Variants in EPHA6 observed in about 807,000 individuals in gnomAD.
EPHA6 encodes the protein EPH receptor A6.
In EPHA6, 50 loss-of-function variants were observed where a neutral mutation model predicts 112.0. The ratio of observed to expected loss-of-function variants is 0.45; its 90% CI spans 0.36 to 0.56. The LOEUF is 0.56. Ranked by LOEUF, EPHA6 falls within the 20% of genes least tolerant of loss-of-function variation. EPHA6 has a pLI of 0.00. For synonymous variants in EPHA6, 529 were observed against 490.7 expected, an observed-to-expected ratio of 1.08 and a Z score of -1.03; for missense variants, 1,280 against 1,417.4, an observed-to-expected ratio of 0.90 and a Z score of 1.56.
chr3:97,045,016 TTGAA>T (rs1470792349), intron 3 of EPHA6, among the ~76,000 whole-genome samples: 4 of 152,110 alleles, frequency 2.6e-5, no homozygotes, highest in African/African-American at 4.8e-5. Flanking sequence ...TTATATCAAT[TTGAA>T]TGTTTAAATT....
At chr3:97,083,917 T>C (rs1304441913) in intron 3 of EPHA6, among the ~76,000 whole-genome samples, 2 of 151,184 alleles carry the variant, frequency 1.3e-5, no homozygotes, top group Non-Finnish European at 3.0e-5. Context: ...AATGACAAGG[T>C]AAATTTGAGC....
chr3:97,569,979 C>G (rs911602284), intron 11 of EPHA6: 7 of 152,108 alleles, frequency 4.6e-5, no homozygotes, highest in Non-Finnish European at 1.0e-4. Flanking sequence ...TGATTCAAAC[C>G]TTGTTGAATT....
intron 10 of EPHA6, among the ~76,000 whole-genome samples, chr3:97,507,247 T>C (rs2092271791): frequency 1.3e-5 from 2 of 152,246 alleles, no homozygotes; most frequent in African/African-American, 2.4e-5. Context: ...GTACCAATTA[T>C]CAATGGGAGT....
Position 97,338,409 on chromosome 3 carries a change from A to C in EPHA6, c.1607-66741A>C, listed in dbSNP as rs376818989. ...TAACCCTAACTCTCTGTGAGCATCT[A>C]CCCAGATCACCAGATCATATGGCTA... On this transcript the variant is annotated intron_variant, in intron 5 of 17. Transcript: ENST00000389672. Among the ~76,000 whole-genome samples the C allele has an allele frequency of 2.9e-3, 444 of 152,116 alleles. 2 individuals carry two copies. The highest frequency in any genetic ancestry group is 1.0e-2 in the African/African-American group (413 of 41,502).
In EPHA6 at chr3:97,736,109, A is replaced by G; in HGVS notation, c.3119A>G (p.Asp1040Gly). Reference sequence around the variant, plus strand: ...AGTGCCCTTCACACCCTGGTGGAGGACATCCTTGTGTAAGAGGCATAATGT... The same window carrying G: ...AGTGCCCTTCACACCCTGGTGGAGGGCATCCTTGTGTAAGAGGCATAATGT... ...NPSALHTLVEDILVMPESPGE... is the reference protein window; with the variant it reads ...NPSALHTLVEGILVMPESPGE... The change falls in exon 16 of 18, where the codon GAC becomes GGC. Residue 1040 changes from aspartate to glycine, a missense_variant. Physicochemically the swap from Asp to Gly is moderately conservative, Grantham distance 94. Around this residue, in one of 4 missense-constraint regions of EPHA6, gnomAD observed 145 missense variants for 153.3 expected, o/e 0.95. Transcript: ENST00000389672. 6.2e-7 allele frequency: 1 copy of G among 1,611,012 alleles called. No individual in the cohort carries two copies. The highest frequency in any genetic ancestry group is 8.5e-7 in the Non-Finnish European group (1 of 1,178,076).
intron 5 of EPHA6, among the ~76,000 whole-genome samples, chr3:97,300,500 C>T (rs747339153): frequency 2.6e-5 from 4 of 152,124 alleles, no homozygotes; most frequent in Non-Finnish European, 4.4e-5. Context: ...AAGCATGACA[C>T]ATTTTCACAC....
At chr3:97,612,849 T>C (rs2093731892) in intron 13 of EPHA6, among the ~76,000 whole-genome samples, 1 of 152,070 alleles carries the variant, frequency 6.6e-6, no homozygotes, top group Non-Finnish European at 1.5e-5. Flanking sequence ...TAAAGATTGA[T>C]TGTTGTAAAG....
At chr3:96,819,139 AT>A (rs1382304314) in intron 1 of EPHA6, among the ~76,000 whole-genome samples, 4 of 152,046 alleles carry the variant, frequency 2.6e-5, no homozygotes, top group African/African-American at 9.7e-5. Flanking sequence ...CAAACAAAAA[AT>A]AACTTAAATG....
At chr3:96,842,849 A>C (rs919567460) in intron 1 of EPHA6, among the ~76,000 whole-genome samples, 1 of 152,044 alleles carries the variant, frequency 6.6e-6, no homozygotes, top group African/African-American at 2.4e-5. Context: ...CACCTTGGAT[A>C]GAAGGTATTT....
chr3:97,589,597 T>G (rs1387598328), intron 11 of EPHA6, among the ~76,000 whole-genome samples: 1 of 152,234 alleles, frequency 6.6e-6, no homozygotes, highest in African/African-American at 2.4e-5. Context: ...ATACTAGGAA[T>G]GCCTTTCCTC....
chr3:97,710,653 C>T (rs2033916973), intron 14 of EPHA6, among the ~76,000 whole-genome samples: 4 of 152,134 alleles, frequency 2.6e-5, no homozygotes, highest in African/African-American at 9.7e-5. Context: ...AAGTCCAGTT[C>T]CCTCTATTTA....
chr3:97,489,740 A>G (rs2091791591), intron 10 of EPHA6, among the ~76,000 whole-genome samples: 1 of 151,878 alleles, frequency 6.6e-6, no homozygotes, highest in Non-Finnish European at 1.5e-5. Flanking sequence ...AGGAGGTTAT[A>G]TTTGTCAGGG....
chr3:97,304,520 C>T (rs538732046), intron 5 of EPHA6, among the ~76,000 whole-genome samples: 10 of 152,120 alleles, frequency 6.6e-5, no homozygotes, highest in African/African-American at 2.2e-4. Context: ...GTAACCAGAA[C>T]AGCATGGTAC....
chr3:97,048,800 C>T (rs894720254), intron 3 of EPHA6, among the ~76,000 whole-genome samples: 6 of 151,996 alleles, frequency 3.9e-5, no homozygotes. Flanking sequence ...AGATAATTAA[C>T]AAAACCCACA....
At chr3:97,182,382 T>C (rs1324430214) in intron 3 of EPHA6, among the ~76,000 whole-genome samples, 1 of 150,332 alleles carries the variant, frequency 6.7e-6, no homozygotes, top group East Asian at 1.9e-4. Flanking sequence ...TAATATATTA[T>C]TATACTAATA....
intron 16 of EPHA6, among the ~76,000 whole-genome samples, chr3:97,740,257 A>T (rs950771704): frequency 1.1e-4 from 16 of 152,060 alleles, no homozygotes; most frequent in African/African-American, 3.4e-4. Flanking sequence ...GGCTGTAGTC[A>T]GCTGGTCAGT....
chr3:97,588,817 T>C (rs1381976210), intron 11 of EPHA6, among the ~76,000 whole-genome samples: 5 of 152,172 alleles, frequency 3.3e-5, no homozygotes, highest in Non-Finnish European at 7.4e-5. Context: ...TACACAAATG[T>C]TTTTTGACAA....
At chr3:97,075,160 T>C (rs1016165380) in intron 3 of EPHA6, among the ~76,000 whole-genome samples, 1 of 151,996 alleles carries the variant, frequency 6.6e-6, no homozygotes, top group African/African-American at 2.4e-5. Flanking sequence ...AGGCTTAGGT[T>C]ATACAGAGTA....
intron 14 of EPHA6, among the ~76,000 whole-genome samples, chr3:97,641,138 A>T (rs1445954066): frequency 6.6e-6 from 1 of 152,210 alleles, no homozygotes; most frequent in East Asian, 1.9e-4. Flanking sequence ...ATGGTATTAG[A>T]TTACAAAGCA....
Sources: gnomAD v4.1 joint callset for allele counts (sites outside exome capture counted in the v4.1 genomes callset) on GRCh38, gnomAD v4.1.1 for gene constraint, gnomAD v4.1.1 regional missense constraint, MANE v1.5 for transcripts, NCBI Gene and HGNC (gene_info 2026-07-23, HGNC 2026-07-21) for gene names.